CDK5RAP2: variants seen among roughly 807,000 people sequenced by gnomAD.
The protein encoded by CDK5RAP2 is CDK5 regulatory subunit associated protein 2, also known as CDK5 regulatory subunit-associated protein 2.
Under a neutral mutation model 232.9 loss-of-function variants are expected in CDK5RAP2, and 147 were observed. That is an observed-to-expected ratio of 0.63 (90% CI 0.55 to 0.72). The LOEUF (loss-of-function observed/expected upper bound fraction) is 0.72. Among genes scored for constraint, CDK5RAP2 ranks in the 30% least tolerant of loss-of-function variants. The pLI is 0.00. For synonymous variants in CDK5RAP2, 833 were observed against 833.7 expected (o/e 1.00, Z 0.01); for missense variants, 2,195 against 2,231.5 (o/e 0.98, Z 0.33).
At chr9:120,432,418 C>G (rs1460691671) in intron 25 of CDK5RAP2, among the ~76,000 whole-genome samples, 1 of 152,028 alleles carries the variant, frequency 6.6e-6, no homozygotes, top group African/African-American at 2.4e-5. Flanking sequence ...ACATGTATTG[C>G]TTTGTATTAA....
intron 25 of CDK5RAP2, among the ~76,000 whole-genome samples, chr9:120,426,360 A>C (rs943112739): frequency 1.3e-5 from 2 of 152,262 alleles, no homozygotes; most frequent in Non-Finnish European, 2.9e-5. Flanking sequence ...AAAAGATATC[A>C]ATCAACATAT....
chr9:120,490,416 C>T (rs2038842988), intron 13 of CDK5RAP2, among the ~76,000 whole-genome samples: 1 of 152,226 alleles, frequency 6.6e-6, no homozygotes, highest in Admixed American at 6.5e-5. Flanking sequence ...CAGAGATTCT[C>T]TGGTTTAAGG....
chr9:120,460,872 G>A, intron 18 of CDK5RAP2: 1 of 746,502 alleles, frequency 1.3e-6, no homozygotes. Flanking sequence ...ACAGCTGCCT[G>A]GATCAAGCAT....
chr9:120,473,440 C>T (rs1248436188), intron 15 of CDK5RAP2, among the ~76,000 whole-genome samples: 1 of 152,232 alleles, frequency 6.6e-6, no homozygotes, highest in Admixed American at 6.5e-5. Flanking sequence ...GAGGCAATTA[C>T]TCCAAATATG....
intron 12 of CDK5RAP2, among the ~76,000 whole-genome samples, chr9:120,498,580 T>C (rs1169993758): frequency 6.6e-6 from 1 of 152,196 alleles, no homozygotes; most frequent in African/African-American, 2.4e-5. Context: ...TAATGTTGCA[T>C]CAATGTTAAT....
At chr9:120,558,924 T>C (rs1297745711) in intron 3 of CDK5RAP2, among the ~76,000 whole-genome samples, 1 of 152,226 alleles carries the variant, frequency 6.6e-6, no homozygotes, top group Non-Finnish European at 1.5e-5. Context: ...ATCCACTTAA[T>C]CTTTCATGGC....
chr9:120,555,906 T>A (rs759184138), intron 3 of CDK5RAP2, among the ~76,000 whole-genome samples: 1 of 152,190 alleles, frequency 6.6e-6, no homozygotes. Flanking sequence ...TTCAAAGACA[T>A]TATGCTGAGG....
rs892858878 is a variant in CDK5RAP2 at position 120,410,746 on chromosome 9, G to C, written c.4414+612C>G. On this transcript the variant is annotated intron_variant, in intron 29 of 37. Transcript: ENST00000349780. Reference sequence around the variant, plus strand: ...GTGGGATAAGCTGGCCCAAGTTCTAGCTCTACCACATTCTAGCTCTGTGAC... The same window carrying C: ...GTGGGATAAGCTGGCCCAAGTTCTACCTCTACCACATTCTAGCTCTGTGAC... Among the ~76,000 whole-genome samples the C allele has an allele frequency of 1.6e-4, 24 of 152,328 alleles. 1 individual carries two copies. Among genetic ancestry groups the C allele is most frequent in the African/African-American group, 5.5e-4 (23 of 41,584 alleles).
rs1323917476 is a variant in CDK5RAP2 at position 120,545,793 on chromosome 9, A to C, written c.307-3T>G. 1 of 1,611,164 alleles carries C rather than the reference A, an allele frequency of 6.2e-7. No individual in the cohort carries two copies. The highest frequency in any genetic ancestry group is 8.5e-7 in the Non-Finnish European group (1 of 1,177,388). On this transcript the variant is annotated splice_region_variant and splice_polypyrimidine_tract_variant and intron_variant, in intron 4 of 37. Transcript: ENST00000349780. ...ACTTCCACCTTGAGCTCAATGTTCT[A>C]CAAAACAAGATTAAGAAAGAAAAGA...
rs36001459 is a variant in CDK5RAP2 at position 120,458,536 on chromosome 9, G to A, written c.2289C>T (p.His763=). The A allele has an allele frequency of 8.6e-4, 1,387 of 1,614,088 alleles. 6 individuals carry two copies. Among genetic ancestry groups the A allele is most frequent in the Non-Finnish European group, 1.0e-3 (1,180 of 1,179,940 alleles). ...CACCTTCTTCTAGGCAGCCAGGTGCGTGGGCCCCATCACAATCTGAAATCT... is the reference window on the plus strand; with the variant it reads ...CACCTTCTTCTAGGCAGCCAGGTGCATGGGCCCCATCACAATCTGAAATCT... ...ESKISDCDGA[H]APGCLEEGAF... is the part of the protein sequence containing the mutation. The change falls in exon 20 of 38, where the codon CAC becomes CAT. Residue 763 remains histidine (H), a synonymous_variant. Coordinates refer to ENST00000349780, the MANE Select transcript of CDK5RAP2 (RefSeq NM_018249.6).
Position 120,403,284 on chromosome 9 carries a change from GTCAAC to G in CDK5RAP2, c.5042-218_5042-214del. 1 of 569,330 alleles carries G rather than the reference GTCAAC, an allele frequency of 1.8e-6. No individual in the cohort carries two copies. The highest frequency in any genetic ancestry group is 3.1e-6 in the Non-Finnish European group (1 of 318,042). The allele number at this position is 569,330 out of a possible 1,614,324, so 35.3% of individuals were successfully genotyped here. On this transcript the variant is annotated intron_variant, in intron 33 of 37. Coordinates refer to ENST00000349780, the MANE Select transcript of CDK5RAP2 (RefSeq NM_018249.6). This position sits in a 1 kb window ranked among gnomAD's most constrained non-coding sequence, Gnocchi z 4.2. ...GAGTCATCTTGTAGGAGAGGCTCAA[GTCAAC>G]TCAACCAACACTTATCAACCACCCA...
In CDK5RAP2 at chr9:120,467,951, T is replaced by C; in HGVS notation, c.2015A>G (p.Gln672Arg). The C allele has an allele frequency of 6.2e-7, 1 of 1,614,190 alleles. No individual in the cohort carries two copies. The highest frequency in any genetic ancestry group is 8.5e-7 in the Non-Finnish European group (1 of 1,179,990). ...ATCAAAAATGGTTTTCTTCAGGTGC[T>C]GGTTGTCTGTATACAGCTCCTTCAC... ...QLVKELYTDNQHLKKTIFDLS... is the reference protein window; with the variant it reads ...QLVKELYTDNRHLKKTIFDLS... Residue 672 changes from glutamine to arginine, a missense_variant, in exon 18 of 38, where the codon CAG (glutamine) becomes CGG (arginine). By Grantham distance (43) the Gln-to-Arg change is conservative (BLOSUM62 1). Transcript: ENST00000349780.
chr9:120,568,217 C>T (rs1290570317), intron 3 of CDK5RAP2, 104 bp downstream of exon 3: 5 of 879,088 alleles, frequency 5.7e-6, no homozygotes, highest in African/African-American at 3.3e-5. Context: ...CTGCCTCTGG[C>T]ATCACCGAAC....
At position 120,415,154 on chromosome 9, in the gene CDK5RAP2, G is replaced by A. The variant is rs758732049; in HGVS notation, c.4183C>T (p.Leu1395=). ...VMVNSFSQDL[L]MEHIQEIRTL... The stretch of plus-strand genomic sequence containing the variant: ...CGAATTTCCTGTATGTGTTCCATTA[G>A]TAAGTCTACAGGAAGGAAGCCATTT... Residue 1395 remains leucine, a synonymous_variant, in exon 28 of 38, where the codon CTA becomes TTA. Coordinates refer to ENST00000349780, the MANE Select transcript of CDK5RAP2 (RefSeq NM_018249.6). 10 of 1,614,020 alleles carry A rather than the reference G, an allele frequency of 6.2e-6. No homozygotes were observed. The South Asian group carries it at 1.1e-4, about 18-fold the overall frequency.
chr9:120,545,320 A>C (rs561129232), intron 5 of CDK5RAP2, among the ~76,000 whole-genome samples: 72 of 152,354 alleles, frequency 4.7e-4, no homozygotes, highest in African/African-American at 1.5e-3. Flanking sequence ...AAGAGAATCT[A>C]CTATATAATT....
At chr9:120,397,975 G>T (rs765824092) in intron 35 of CDK5RAP2, among the ~76,000 whole-genome samples, 1 of 152,124 alleles carries the variant, frequency 6.6e-6, no homozygotes, top group Non-Finnish European at 1.5e-5. Flanking sequence ...CTTTCCCCAC[G>T]CTGGATCCTT....
At chr9:120,429,397 CA>C (rs1228355901) in intron 25 of CDK5RAP2, among the ~76,000 whole-genome samples, 29 of 152,130 alleles carry the variant, frequency 1.9e-4, no homozygotes, top group African/African-American at 5.1e-4. Context: ...AGCTGATAAG[CA>C]ACTTCAGCAA....
intron 25 of CDK5RAP2, among the ~76,000 whole-genome samples, chr9:120,436,223 C>A (rs1334123066): frequency 6.6e-6 from 1 of 152,132 alleles, no homozygotes; most frequent in Non-Finnish European, 1.5e-5. Context: ...AACTGCATAG[C>A]CAATCTAATC....
chr9:120,487,968 G>C (rs2038701383), intron 13 of CDK5RAP2, among the ~76,000 whole-genome samples: 1 of 152,192 alleles, frequency 6.6e-6, no homozygotes, highest in Non-Finnish European at 1.5e-5. Context: ...TGCAAATACT[G>C]CTTTAGGGTC....
Sources: gnomAD v4.1 joint callset for allele counts (sites outside exome capture counted in the v4.1 genomes callset) on GRCh38, gnomAD v4.1.1 for gene constraint, Gnocchi (gnomAD v3.1) non-coding constraint, MANE v1.5 for transcripts, NCBI Gene and HGNC (gene_info 2026-07-23, HGNC 2026-07-21) for gene names.